ATP7A: variants seen among roughly 807,000 people sequenced by gnomAD.
ATP7A encodes the protein ATPase copper transporting alpha, also known as copper-transporting ATPase 1.
Under a neutral mutation model 83.5 loss-of-function variants are expected in ATP7A, and 7 were observed. The ratio of observed to expected loss-of-function variants is 0.08; its 90% CI spans 0.05 to 0.16. The LOEUF is 0.16. ATP7A is among the 10% of genes least tolerant of loss of function. ATP7A has a pLI of 1.00. For missense variants in ATP7A, 940 were observed against 1,120.8 expected, an observed-to-expected ratio of 0.84 and a Z score of 2.30; for synonymous variants, 354 against 395.2, an observed-to-expected ratio of 0.90 and a Z score of 1.24.
chrX:77,950,538 G>C (rs1364577442), intron 1 of ATP7A, among the ~76,000 whole-genome samples: 1 of 111,260 alleles, frequency 9.0e-6, no homozygotes, highest in African/African-American at 3.3e-5. Context: ...AATCTACTGG[G>C]GGAATGAGGT....
intron 1 of ATP7A, among the ~76,000 whole-genome samples, chrX:77,913,623 C>G (rs1265845609): frequency 1.8e-5 from 2 of 111,868 alleles, no homozygotes; most frequent in Non-Finnish European, 1.9e-5. Context: ...TAAAAGGGTC[C>G]TGTGTTTCTG....
intron 4 of ATP7A, among the ~76,000 whole-genome samples, chrX:77,997,634 A>T (rs2077712819): frequency 9.5e-6 from 1 of 105,660 alleles, no homozygotes; most frequent in African/African-American, 3.5e-5. Flanking sequence ...AGGTGCAGGG[A>T]TGTGTTAGAA....
intron 1 of ATP7A, among the ~76,000 whole-genome samples, chrX:77,955,353 CTA>C (rs1316018638): frequency 9.0e-6 from 1 of 111,512 alleles, no homozygotes; most frequent in East Asian, 2.8e-4. Flanking sequence ...TGGTATCAAA[CTA>C]TCACTTTGTC....
Position 78,049,050 on chromosome X carries a change from G to A in ATP7A, c.*2480G>A, listed in dbSNP as rs782604003. 25 of 111,927 alleles carry A rather than the reference G, an allele frequency of 2.2e-4. No homozygotes were observed. The highest frequency in any genetic ancestry group is 8.1e-4 in the African/African-American group (25 of 30,885). The allele number at this position is 111,927 out of a possible 1,213,427, so 9.2% of individuals were successfully genotyped here. On this transcript the variant is annotated 3_prime_UTR_variant, in exon 23 of 23. Transcript: ENST00000341514. Reference sequence around the variant, plus strand: ...AAACATGCTAATTAGAAAAAGTCCTGCTTTAAGTAATATGTAGCCACATTT... The same window carrying A: ...AAACATGCTAATTAGAAAAAGTCCTACTTTAAGTAATATGTAGCCACATTT...
Position 77,959,008 on chromosome X carries a change from G to A in ATP7A, c.-21-12613G>A, listed in dbSNP as rs183326740. Among the ~76,000 whole-genome samples the A allele has an allele frequency of 2.4e-3, 261 of 109,731 alleles. 2 individuals are homozygous for A. Among genetic ancestry groups the A allele is most frequent in the African/African-American group, 8.2e-3 (247 of 30,140 alleles). On this transcript the variant is annotated intron_variant, in intron 1 of 22. Coordinates refer to ENST00000341514, the MANE Select transcript of ATP7A (RefSeq NM_000052.7). ...TCTCCATGTTGGCCAGGCTGGTCTCGAACTCCTGACCTCGGGTGATCTGCT... is the reference window on the plus strand; with the variant it reads ...TCTCCATGTTGGCCAGGCTGGTCTCAAACTCCTGACCTCGGGTGATCTGCT...
chrX:78,025,113 C>T (rs913685215), intron 14 of ATP7A, among the ~76,000 whole-genome samples: 1 of 111,552 alleles, frequency 9.0e-6, no homozygotes, highest in African/African-American at 3.3e-5. Flanking sequence ...AAAGCTATGG[C>T]ATAGAAGCTA....
At chrX:78,008,516 C>T (rs1421798880) in intron 6 of ATP7A, among the ~76,000 whole-genome samples, 1 of 110,890 alleles carries the variant, frequency 9.0e-6, no homozygotes, top group Admixed American at 9.6e-5. Flanking sequence ...TTATATACTT[C>T]AGCAGGATGA....
chrX:78,031,072 C>CT (rs1557237012), intron 15 of ATP7A, among the ~76,000 whole-genome samples: 1 of 111,398 alleles, frequency 9.0e-6, no homozygotes, highest in East Asian at 2.8e-4. Context: ...GAAAGCCTTT[C>CT]TTTTTTACCT....
intron 1 of ATP7A, among the ~76,000 whole-genome samples, chrX:77,959,862 G>A (rs2077465542): frequency 8.9e-6 from 1 of 111,916 alleles, no homozygotes; most frequent in African/African-American, 3.2e-5. Flanking sequence ...AAAATGTTGA[G>A]TTTTAATATA....
rs187128436 is a variant in ATP7A at position 78,040,902 on chromosome X, G to A, written c.3801+169G>A. Among the ~76,000 whole-genome samples the A allele has an allele frequency of 7.1e-5, 8 of 112,271 alleles. No homozygotes were observed. In the East Asian group the frequency reaches 2.2e-3, roughly 31 times the overall value. On this transcript the variant is annotated intron_variant, in intron 19 of 22. Coordinates refer to ENST00000341514, the MANE Select transcript of ATP7A (RefSeq NM_000052.7). ...CTTTGCTGGAAAGACTTTGGGCTTT[G>A]TGTGTTGCTGTTATACGTAAAAAGG...
At chrX:78,022,910 C>G (rs2077917598) in intron 14 of ATP7A, among the ~76,000 whole-genome samples, 1 of 111,401 alleles carries the variant, frequency 9.0e-6, no homozygotes, top group Non-Finnish European at 1.9e-5. Context: ...ACATAGTACT[C>G]AATAAGTAGT....
chrX:78,011,843 T>C lies in ATP7A; in HGVS notation c.2172+169T>C, dbSNP rs1274987178. 7.2e-6 allele frequency: 4 copies of C among 558,843 alleles called. No homozygotes were observed. In the African/African-American group the frequency reaches 9.0e-5, roughly 13 times the overall value. The allele number at this position is 558,843 out of a possible 1,213,427, so 46.1% of individuals were successfully genotyped here. On this transcript the variant is annotated intron_variant, in intron 9 of 22. Transcript: ENST00000341514. ...ACTGGGTAGTTATTTAAGTTGATAATAGATGCCATTTAACCCCTAAGAAAG... is the reference window on the plus strand; with the variant it reads ...ACTGGGTAGTTATTTAAGTTGATAACAGATGCCATTTAACCCCTAAGAAAG...
At chrX:78,041,770 A>T (rs1216693631) in intron 19 of ATP7A, among the ~76,000 whole-genome samples, 2 of 111,262 alleles carry the variant, frequency 1.8e-5, no homozygotes, top group Non-Finnish European at 3.8e-5. Context: ...ATTGTTCAGT[A>T]GTTTGCTTTT....
intron 6 of ATP7A, among the ~76,000 whole-genome samples, chrX:78,005,491 C>T (rs1274012668): frequency 9.2e-6 from 1 of 108,733 alleles, no homozygotes; most frequent in Non-Finnish European, 1.9e-5. Flanking sequence ...AGACCACCCT[C>T]GCCAACATGG....
chrX:78,017,983 A>T (rs1557235348), intron 12 of ATP7A, among the ~76,000 whole-genome samples: 1 of 104,207 alleles, frequency 9.6e-6, no homozygotes, highest in African/African-American at 3.5e-5. Flanking sequence ...TCACCATGTT[A>T]GCCAGGATGG....
intron 1 of ATP7A, chrX:77,969,069 G>T (rs782613123): frequency 8.3e-7 from 1 of 1,210,432 alleles, no homozygotes; most frequent in African/African-American, 1.7e-5. Context: ...CAATGCCCTG[G>T]AGGCTGTTGC....
chrX:77,931,821 T>C (rs1405840864), intron 1 of ATP7A, among the ~76,000 whole-genome samples: 5 of 78,628 alleles, frequency 6.4e-5, no homozygotes, highest in South Asian at 7.3e-4. Flanking sequence ...GGCGGGGGGC[T>C]GACCCCCCCC....
chrX:77,994,160 G>T (rs1040621366), intron 4 of ATP7A, among the ~76,000 whole-genome samples: 2 of 110,438 alleles, frequency 1.8e-5, no homozygotes, highest in Non-Finnish European at 3.8e-5. Context: ...CTGCCTCCCG[G>T]GTTCAAGCAA....
Position 78,029,405 on chromosome X carries a change from A to T in ATP7A, c.3072A>T (p.Ile1024=). The T allele has an allele frequency of 8.3e-7, 1 of 1,211,561 alleles. No homozygotes were observed. Among genetic ancestry groups the T allele is most frequent in the Non-Finnish European group, 1.1e-6 (1 of 895,426 alleles). The change falls in exon 15 of 23, where the codon ATA becomes ATT. Residue 1024 remains isoleucine, a synonymous_variant. Coordinates refer to ENST00000341514, the MANE Select transcript of ATP7A (RefSeq NM_000052.7). ...VGTGVGAQNG[I]LIKGGEPLEM... ...CAGGAGTAGGTGCTCAAAATGGCAT[A>T]CTAATAAAAGGTGGAGAGCCATTGG...
Sources: gnomAD v4.1 joint callset for allele counts (sites outside exome capture counted in the v4.1 genomes callset) on GRCh38, gnomAD v4.1.1 for gene constraint, MANE v1.5 for transcripts, NCBI Gene and HGNC (gene_info 2026-07-23, HGNC 2026-07-21) for gene names.